Variants in CCAR1 observed in about 807,000 individuals in gnomAD.
CCAR1 encodes the protein cell division cycle and apoptosis regulator protein 1.
CCAR1 carries 78 observed loss-of-function variants against 163.8 expected under a neutral mutation model. The ratio of observed to expected loss-of-function variants is 0.48; its 90% CI spans 0.40 to 0.57. The LOEUF is 0.57. Among genes scored for constraint, CCAR1 ranks in the 20% least tolerant of loss-of-function variants. CCAR1 has a pLI of 0.00. For missense variants in CCAR1, 1,019 were observed against 1,365.2 expected (o/e 0.75, Z 4.00); for synonymous variants, 443 against 460.7 (o/e 0.96, Z 0.49).
chr10:68,759,215 A>G (rs1331034214), intron 15 of CCAR1: 1 of 152,172 alleles, frequency 6.6e-6, no homozygotes, highest in Non-Finnish European at 1.5e-5. Context: ...GGAGTTTGAG[A>G]TCAGCTTCTG....
At position 68,731,591 on chromosome 10, in the gene CCAR1, G is replaced by GTTT. The variant is rs67032408; in HGVS notation, c.74-5263_74-5261dup. On this transcript the variant is annotated intron_variant, in intron 2 of 24. Coordinates refer to ENST00000265872, the MANE Select transcript of CCAR1 (RefSeq NM_018237.4). The stretch of plus-strand genomic sequence containing the variant: ...TTACCTATTAAATTGTCTTGTTTCT[G>GTTT]TTTTTTTTTTTTTTTTTTTTTTTTG... 5.3e-3 allele frequency among the ~76,000 whole-genome samples: 397 copies of GTTT among 75,578 alleles called. 2 individuals carry two copies. The highest frequency in any genetic ancestry group is 7.7e-3 in the Non-Finnish European group (319 of 41,668). 49.6% of individuals were successfully genotyped at this position (75,578 alleles called of 152,430 possible). A position where few individuals can be genotyped will look rare whatever the true frequency, so the allele number is the denominator to read the frequency against.
chr10:68,743,468 A>G (rs2056210770), intron 6 of CCAR1, among the ~76,000 whole-genome samples: 1 of 151,480 alleles, frequency 6.6e-6, no homozygotes, highest in Admixed American at 6.6e-5. Context: ...GTCTGGCCTT[A>G]GCTGTAATAT....
intron 5 of CCAR1, among the ~76,000 whole-genome samples, chr10:68,741,029 T>A (rs967364427): frequency 1.3e-5 from 2 of 152,000 alleles, no homozygotes; most frequent in South Asian, 2.1e-4. Flanking sequence ...TTCTCCTCTC[T>A]CAGCCTCCTG....
chr10:68,788,650 A>AT (rs1040319134), intron 23 of CCAR1, among the ~76,000 whole-genome samples: 35 of 151,654 alleles, frequency 2.3e-4, no homozygotes, highest in African/African-American at 8.5e-4. Context: ...ATGCCCAGCT[A>AT]TTTTTTGTAT....
In CCAR1 at chr10:68,788,172, G is replaced by C. The variant is rs767392643; in HGVS notation, c.3031G>C (p.Val1011Leu). The C allele has an allele frequency of 2.5e-6, 4 of 1,585,316 alleles. No individual in the cohort carries two copies. Among genetic ancestry groups the C allele is most frequent in the Non-Finnish European group, 3.4e-6 (4 of 1,170,222 alleles). The change falls in exon 23 of 25, where the codon GTA (valine) becomes CTA (leucine). Residue 1011 changes from valine (V) to leucine (L), a missense_variant. Physicochemically the swap from Val to Leu is conservative, Grantham distance 32 (BLOSUM62 1). Transcript: ENST00000265872. ...GNRLLLPTPT[V>L]KQESKDVEEN... Reference sequence around the variant, plus strand: ...CAGATTATTACTTCCAACACCAACAGTAAAGCAGGAATCAAAGGATGTGGA... The same window carrying C: ...CAGATTATTACTTCCAACACCAACACTAAAGCAGGAATCAAAGGATGTGGA...
chr10:68,770,088 A>G (rs763473462), intron 17 of CCAR1, among the ~76,000 whole-genome samples: 41 of 152,148 alleles, frequency 2.7e-4, no homozygotes, highest in Non-Finnish European at 5.3e-4. Context: ...CTAGATACCA[A>G]TATGGCTTAT....
intron 3 of CCAR1, among the ~76,000 whole-genome samples, 183 bp downstream of exon 3, chr10:68,737,231 A>C (rs775073482): frequency 2.6e-5 from 4 of 152,130 alleles, no homozygotes; most frequent in Non-Finnish European, 4.4e-5. Flanking sequence ...TGGGCCAGGC[A>C]TGGTGGCTCA....
rs932796290 is a variant in CCAR1 at position 68,764,055 on chromosome 10, A to C, written c.2107-1833A>C. 2.0e-5 allele frequency among the ~76,000 whole-genome samples: 3 copies of C among 152,306 alleles called. No homozygotes were observed. In the South Asian group the frequency reaches 6.2e-4, roughly 32 times the overall value. ...AGATATGGAAGATAGATATATAGAT[A>C]AGTAGATAGCTAACACTTACAAATA... On this transcript the variant is annotated intron_variant, in intron 16 of 24. Coordinates refer to ENST00000265872, the MANE Select transcript of CCAR1 (RefSeq NM_018237.4).
At chr10:68,757,219 A>G (rs1165434720) in intron 14 of CCAR1, 75 bp from the exon 15 acceptor site, 6 of 827,674 alleles carry the variant, frequency 7.2e-6, no homozygotes, top group African/African-American at 5.2e-5. Flanking sequence ...CAGATCAGCA[A>G]CAGACTTTTA....
At chr10:68,738,610 A>C (rs899163327) in intron 4 of CCAR1, among the ~76,000 whole-genome samples, 1 of 151,160 alleles carries the variant, frequency 6.6e-6, no homozygotes, top group Non-Finnish European at 1.5e-5. Context: ...TTTTTTCTTT[A>C]TTTTTTATTT....
At chr10:68,730,178 C>T (rs1383684468) in intron 2 of CCAR1, among the ~76,000 whole-genome samples, 1 of 151,988 alleles carries the variant, frequency 6.6e-6, no homozygotes, top group Non-Finnish European at 1.5e-5. Flanking sequence ...TGTCGTCTTC[C>T]CTAAGTGCTG....
At chr10:68,789,048 T>G (rs1456240484) in intron 23 of CCAR1, among the ~76,000 whole-genome samples, 2 of 151,870 alleles carry the variant, frequency 1.3e-5, no homozygotes, top group Non-Finnish European at 2.9e-5. Flanking sequence ...TAGCTGGGAC[T>G]ACAGGTGCGT....
intron 19 of CCAR1, among the ~76,000 whole-genome samples, chr10:68,783,596 C>A (rs2056762116): frequency 6.6e-6 from 1 of 152,002 alleles, no homozygotes; most frequent in South Asian, 2.1e-4. Context: ...GGTGAAACCC[C>A]AACTCTACTA....
Position 68,771,489 on chromosome 10 carries a change from T to A in CCAR1, c.2538+44T>A, listed in dbSNP as rs2056601795. 1.3e-6 allele frequency: 2 copies of A among 1,492,830 alleles called. 1 individual carries two copies. Among genetic ancestry groups the A allele is most frequent in the South Asian group, 2.5e-5 (2 of 80,248 alleles). 92.5% of individuals were successfully genotyped at this position (1,492,830 alleles called of 1,614,324 possible). On this transcript the variant is annotated intron_variant, in intron 18 of 24. Coordinates refer to ENST00000265872, the MANE Select transcript of CCAR1 (RefSeq NM_018237.4). ...CTTTAGAAGCTTTCAGTTACTCTTC[T>A]AGGTTATAAAGGTTGATGTTGATTT... is the stretch of plus-strand genomic sequence containing the variant.
intron 19 of CCAR1, among the ~76,000 whole-genome samples, chr10:68,778,259 A>G (rs2056692495): frequency 6.6e-6 from 1 of 152,162 alleles, no homozygotes; most frequent in South Asian, 2.1e-4. Context: ...ATGACTTACA[A>G]GACTCTACCA....
At position 68,792,222 on chromosome 10, in the gene CCAR1, T is replaced by C. The variant is rs2056858080; in HGVS notation, c.*956T>C. On this transcript the variant is annotated 3_prime_UTR_variant, in exon 25 of 25. Transcript: ENST00000265872. ...TGTTACTGCTTTCAATTAATTTTTC[T>C]ACTTTCCCAGAATAGCATCTATATT... The C allele has an allele frequency of 6.6e-6, 1 of 152,160 alleles. No homozygotes were observed. The highest frequency in any genetic ancestry group is 2.1e-4 in the South Asian group (1 of 4,836). 9.4% of individuals were successfully genotyped at this position (152,160 alleles called of 1,614,324 possible). A position where few individuals can be genotyped will look rare whatever the true frequency, so the allele number is the denominator to read the frequency against.
intron 2 of CCAR1, among the ~76,000 whole-genome samples, chr10:68,727,529 G>A (rs1044582615): frequency 1.8e-4 from 27 of 152,044 alleles, no homozygotes; most frequent in African/African-American, 5.6e-4. Context: ...TCTTCAAAGA[G>A]TTTTAGAATA....
chr10:68,780,235 G>C (rs932459672), intron 19 of CCAR1, among the ~76,000 whole-genome samples: 3 of 152,110 alleles, frequency 2.0e-5, no homozygotes, highest in African/African-American at 7.2e-5. Flanking sequence ...GTCTTATTCT[G>C]TTGCCCAGGC....
Position 68,791,600 on chromosome 10 carries a change from A to G in CCAR1, c.*334A>G, listed in dbSNP as rs1393671623. 6.2e-6 allele frequency: 1 copy of G among 161,752 alleles called. No individual in the cohort carries two copies. The highest frequency in any genetic ancestry group is 1.3e-5 in the Non-Finnish European group (1 of 74,262). The allele number at this position is 161,752 out of a possible 1,614,324, so 10.0% of individuals were successfully genotyped here. On this transcript the variant is annotated 3_prime_UTR_variant, in exon 25 of 25. Coordinates refer to ENST00000265872, the MANE Select transcript of CCAR1 (RefSeq NM_018237.4). The stretch of plus-strand genomic sequence containing the variant: ...AAATTTCTTTTATTAAAATGCCTAG[A>G]AATTTTTAATTTATAGAATTATTAG...
Sources: allele counts gnomAD v4.1 joint callset (sites outside exome capture counted in the v4.1 genomes callset), GRCh38; gene constraint gnomAD v4.1.1; transcripts MANE v1.5; gene names NCBI Gene and HGNC (gene_info 2026-07-23, HGNC 2026-07-21).